EPM2A: variants seen among roughly 807,000 people sequenced by gnomAD.
EPM2A encodes the protein EPM2A glucan phosphatase, laforin, also known as laforin.
A neutral mutation model predicts 26.5 loss-of-function variants in EPM2A; 21 were observed. That is an observed-to-expected ratio of 0.79 (90% CI 0.56 to 1.14). The LOEUF (loss-of-function observed/expected upper bound fraction) is 1.14. Ranked by LOEUF, EPM2A falls within the 50% of genes most tolerant of loss-of-function variation. The pLI, the probability that EPM2A is intolerant of heterozygous loss-of-function variation, is 0.00. For missense variants in EPM2A, 458 were observed against 440.8 expected, an observed-to-expected ratio of 1.04 and a Z score of -0.35; for synonymous variants, 217 against 177.6, an observed-to-expected ratio of 1.22 and a Z score of -1.76.
At chr6:145,634,659 C>G (rs1423999067) in intron 3 of EPM2A, 2 of 153,012 alleles carry the variant, frequency 1.3e-5, no homozygotes, top group African/African-American at 4.8e-5. Flanking sequence ...ATTGGTCTTT[C>G]AGTTTTTGCA....
chr6:145,559,314 G>C (rs1220300569), intron 2 of EPM2A, among the ~76,000 whole-genome samples: 1 of 152,090 alleles, frequency 6.6e-6, no homozygotes, highest in Non-Finnish European at 1.5e-5. Flanking sequence ...GTCCTGGAAA[G>C]CCAATAATCA....
intron 4 of EPM2A, among the ~76,000 whole-genome samples, chr6:145,427,048 A>G (rs1429088483): frequency 6.6e-6 from 1 of 152,192 alleles, no homozygotes; most frequent in East Asian, 1.9e-4. Flanking sequence ...TTGACTTTGT[A>G]TAGTCATTCA....
chr6:145,708,080 T>C (rs560226094), intron 1 of EPM2A, among the ~76,000 whole-genome samples: 6 of 152,322 alleles, frequency 3.9e-5, no homozygotes, highest in African/African-American at 1.4e-4. Context: ...CTCGCACCAT[T>C]TGGGCCCTGC....
intron 2 of EPM2A, among the ~76,000 whole-genome samples, chr6:145,652,549 A>G (rs1469333188): frequency 6.6e-6 from 1 of 152,080 alleles, no homozygotes; most frequent in African/African-American, 2.4e-5. Flanking sequence ...TTATTTTAGA[A>G]ACTAATATAT....
intron 1 of EPM2A, among the ~76,000 whole-genome samples, chr6:145,710,608 C>A (rs536851051): frequency 8.6e-4 from 130 of 152,028 alleles, no homozygotes; most frequent in Admixed American, 1.6e-3. Flanking sequence ...TGACCCAGCC[C>A]TCCCATTACT....
At position 145,735,381 on chromosome 6, in the gene EPM2A, G is replaced by A. The variant is rs1583156932; in HGVS notation, c.118C>T (p.Leu40=). The change falls in exon 1 of 4, where the codon CTG becomes TTG. Residue 40 remains leucine, a synonymous_variant. Coordinates refer to ENST00000367519, the MANE Select transcript of EPM2A (RefSeq NM_005670.4). ...CCCGCCGCGGTGCCGGCCGGCCTCA[G>A]GCGGACGGCACCGCGCGGCTCCCAA... ...GRWEPRGAVR[L]RPAGTAAGDG... 1.6e-6 allele frequency: 2 copies of A among 1,232,600 alleles called. No individual in the cohort carries two copies. Among genetic ancestry groups the A allele is most frequent in the Non-Finnish European group, 2.0e-6 (2 of 989,594 alleles). 76.4% of individuals were successfully genotyped at this position (1,232,600 alleles called of 1,614,324 possible).
chr6:145,392,319 T>A (rs1006931999), intron 4 of EPM2A, among the ~76,000 whole-genome samples: 2 of 152,168 alleles, frequency 1.3e-5, no homozygotes, highest in Non-Finnish European at 2.9e-5. Context: ...AATTCAAGGC[T>A]GAAGGAGTCT....
At chr6:145,395,035 T>C (rs1030246960) in intron 4 of EPM2A, among the ~76,000 whole-genome samples, 1 of 152,194 alleles carries the variant, frequency 6.6e-6, no homozygotes, top group Non-Finnish European at 1.5e-5. Flanking sequence ...GCTACAGTTT[T>C]GTCAGAATTC....
intron 4 of EPM2A, among the ~76,000 whole-genome samples, chr6:145,415,179 T>C (rs1317783076): frequency 6.6e-6 from 1 of 152,194 alleles, no homozygotes. Flanking sequence ...CTTCAGAGAA[T>C]TGTGCTTTCA....
At chr6:145,675,920 C>G (rs533424235) in intron 2 of EPM2A, among the ~76,000 whole-genome samples, 1 of 152,150 alleles carries the variant, frequency 6.6e-6, no homozygotes, top group Non-Finnish European at 1.5e-5. Flanking sequence ...CTCACCTCTG[C>G]ACCAAGCAGA....
intron 2 of EPM2A, among the ~76,000 whole-genome samples, chr6:145,651,275 G>A (rs1777858868): frequency 6.6e-6 from 1 of 152,170 alleles, no homozygotes; most frequent in Non-Finnish European, 1.5e-5. Flanking sequence ...TTGTCTTGAA[G>A]TAAGGAATTC....
chr6:145,442,247 C>T (rs1455723902), intron 4 of EPM2A, among the ~76,000 whole-genome samples: 1 of 152,192 alleles, frequency 6.6e-6, no homozygotes, highest in Admixed American at 6.5e-5. Flanking sequence ...GTCTGTTACC[C>T]AGTTGCAAAG....
chr6:145,669,276 T>C (rs1001657531), intron 2 of EPM2A, among the ~76,000 whole-genome samples: 4 of 152,186 alleles, frequency 2.6e-5, no homozygotes, highest in African/African-American at 7.2e-5. Flanking sequence ...CTTTATGATA[T>C]AGAAATAGGT....
intron 2 of EPM2A, among the ~76,000 whole-genome samples, chr6:145,683,651 C>T (rs1341390819): frequency 6.6e-6 from 1 of 152,060 alleles, no homozygotes. Context: ...ATTAAAACAT[C>T]AACTCAGAGA....
intron 4 of EPM2A, among the ~76,000 whole-genome samples, chr6:145,408,245 T>C (rs1285871806): frequency 6.6e-6 from 1 of 152,168 alleles, no homozygotes; most frequent in African/African-American, 2.4e-5. Context: ...GTTAATTATC[T>C]GCTCTTCTTC....
intron 2 of EPM2A, among the ~76,000 whole-genome samples, chr6:145,505,543 GTAATATTA>G: frequency 2.2e-5 from 1 of 46,062 alleles, no homozygotes; most frequent in Non-Finnish European, 5.1e-5. Context: ...ATATTATTCA[GTAATATTA>G]TCAAATCTGC....
chr6:145,572,981 C>T (rs1468971956), intron 2 of EPM2A, among the ~76,000 whole-genome samples: 5 of 152,216 alleles, frequency 3.3e-5, no homozygotes, highest in Non-Finnish European at 7.3e-5. Context: ...GCAACTTATC[C>T]TTCACCTTAG....
At chr6:145,559,211 G>A (rs898125367) in intron 2 of EPM2A, among the ~76,000 whole-genome samples, 1 of 152,094 alleles carries the variant, frequency 6.6e-6, no homozygotes, top group African/African-American at 2.4e-5. Flanking sequence ...TCTATCTGGA[G>A]GGTGGTTATG....
chr6:145,671,044 G>C (rs141377296), intron 2 of EPM2A: 1 of 985,184 alleles, frequency 1.0e-6, no homozygotes, highest in African/African-American at 1.7e-5. Context: ...ATTGAAATTA[G>C]TGTCTATCTT....
Sources: gnomAD v4.1 joint callset for allele counts (sites outside exome capture counted in the v4.1 genomes callset) on GRCh38, gnomAD v4.1.1 for gene constraint, MANE v1.5 for transcripts, NCBI Gene and HGNC (gene_info 2026-07-23, HGNC 2026-07-21) for gene names.